Variants in ROBO1 observed in about 807,000 individuals in gnomAD.
The protein encoded by ROBO1 is roundabout homolog 1.
ROBO1 carries 149 observed loss-of-function variants against 195.9 expected under a neutral mutation model. That is an observed-to-expected ratio of 0.76 (90% confidence interval 0.67 to 0.87). The LOEUF is 0.87. Among genes scored for constraint, ROBO1 ranks in the 40% least tolerant of loss-of-function variants. ROBO1 has a pLI of 0.00. For synonymous variants in ROBO1, 816 were observed against 733.2 expected (o/e 1.11, Z -1.82); for missense variants, 1,933 against 2,068.3 (o/e 0.93, Z 1.27).
intron 3 of ROBO1, among the ~76,000 whole-genome samples, chr3:79,032,905 C>T (rs771828382): frequency 2.0e-5 from 3 of 151,912 alleles, no homozygotes; most frequent in Non-Finnish European, 2.9e-5. Context: ...CTCTATTGCC[C>T]TCTGCTGGCT....
chr3:79,164,546 T>A (rs1457677815), intron 2 of ROBO1, among the ~76,000 whole-genome samples: 3 of 152,216 alleles, frequency 2.0e-5, no homozygotes, highest in African/African-American at 7.2e-5. Context: ...GCCTGCTTTA[T>A]TGCAATAGCT....
chr3:79,628,616 A>C (rs1945252895), intron 1 of ROBO1, among the ~76,000 whole-genome samples: 1 of 152,180 alleles, frequency 6.6e-6, no homozygotes, highest in Admixed American at 6.5e-5. Context: ...GAAATAAGAA[A>C]AATAGAATAA....
At chr3:79,368,373 A>G (rs1017502372) in intron 2 of ROBO1, among the ~76,000 whole-genome samples, 1 of 152,162 alleles carries the variant, frequency 6.6e-6, no homozygotes, top group African/African-American at 2.4e-5. Context: ...AATAACTGCA[A>G]ACTACTATGC....
At chr3:79,684,130 AT>A (rs2107003019) in intron 1 of ROBO1, among the ~76,000 whole-genome samples, 1 of 152,246 alleles carries the variant, frequency 6.6e-6, no homozygotes, top group African/African-American at 2.4e-5. Flanking sequence ...CATTTTTAAA[AT>A]TATAGCCAAA....
At chr3:79,122,823 C>G (rs1479480516) in intron 3 of ROBO1, among the ~76,000 whole-genome samples, 1 of 151,662 alleles carries the variant, frequency 6.6e-6, no homozygotes, top group Non-Finnish European at 1.5e-5. Flanking sequence ...TCATGTTCCC[C>G]CCAAAAATGT....
intron 4 of ROBO1, among the ~76,000 whole-genome samples, chr3:78,834,474 C>A (rs112045676): frequency 9.2e-4 from 137 of 149,640 alleles, no homozygotes; most frequent in African/African-American, 2.9e-3. Context: ...GAAAAGACAG[C>A]AATAAAGTGA....
At chr3:79,551,755 T>G (rs1378275802) in intron 2 of ROBO1, among the ~76,000 whole-genome samples, 2 of 151,914 alleles carry the variant, frequency 1.3e-5, no homozygotes, top group Non-Finnish European at 2.9e-5. Flanking sequence ...TGTGACAAAG[T>G]AAATGTAGAA....
intron 21 of ROBO1, among the ~76,000 whole-genome samples, chr3:78,641,637 T>A (rs1275558217): frequency 6.6e-6 from 1 of 152,230 alleles, no homozygotes; most frequent in Non-Finnish European, 1.5e-5. Context: ...ATGAATGTTA[T>A]CACTGTAGAA....
chr3:79,548,404 A>C (rs1227399499), intron 2 of ROBO1, among the ~76,000 whole-genome samples: 1 of 152,226 alleles, frequency 6.6e-6, no homozygotes, highest in Non-Finnish European at 1.5e-5. Context: ...ATGCATAAAT[A>C]ATTGTTTGTG....
At chr3:78,973,324 C>T (rs2076810291) in intron 3 of ROBO1, among the ~76,000 whole-genome samples, 1 of 150,998 alleles carries the variant, frequency 6.6e-6, no homozygotes, top group Non-Finnish European at 1.5e-5. Flanking sequence ...CCTTGTTAGA[C>T]CAATATCATC....
chr3:78,661,385 A>G, intron 15 of ROBO1, 124 bp from the exon 16 acceptor site: 1 of 514,286 alleles, frequency 1.9e-6, no homozygotes, highest in East Asian at 3.1e-5. Flanking sequence ...ATTCTTACAC[A>G]AGAAATGTGT....
At chr3:78,646,035 A>G (rs73108203) in intron 21 of ROBO1, 113 bp downstream of exon 21, 149,009 of 929,074 alleles carry the variant, frequency 0.16, 12,853 homozygotes, top group South Asian at 0.22. Context: ...AAGGAACTAA[A>G]TAAATTCCAC....
At chr3:79,675,519 C>T (rs569502809) in intron 1 of ROBO1, among the ~76,000 whole-genome samples, 1 of 151,912 alleles carries the variant, frequency 6.6e-6, no homozygotes, top group East Asian at 1.9e-4. Context: ...TGGACAACTT[C>T]CAAGGGAGAA....
intron 3 of ROBO1, among the ~76,000 whole-genome samples, chr3:78,988,070 T>C (rs993456050): frequency 1.3e-5 from 2 of 152,160 alleles, no homozygotes; most frequent in African/African-American, 4.8e-5. Context: ...GACATGGCAA[T>C]GTCTTCTTTA....
intron 1 of ROBO1, among the ~76,000 whole-genome samples, chr3:79,752,419 A>T (rs543483734): frequency 1.1e-4 from 16 of 152,292 alleles, no homozygotes; most frequent in Admixed American, 9.8e-4. Flanking sequence ...CTATTAGAGA[A>T]GACAGGCATT....
intron 3 of ROBO1, among the ~76,000 whole-genome samples, chr3:78,950,702 C>A (rs182260524): frequency 1.7e-4 from 25 of 146,052 alleles, no homozygotes; most frequent in Non-Finnish European, 2.3e-4. Context: ...AAAAAAAAAA[C>A]AAAACATCAA....
At chr3:79,656,345 G>A (rs1006444032) in intron 1 of ROBO1, among the ~76,000 whole-genome samples, 1 of 151,796 alleles carries the variant, frequency 6.6e-6, no homozygotes, top group Non-Finnish European at 1.5e-5. Flanking sequence ...CATGGAATTG[G>A]AAAGAAACTA....
At chr3:79,731,068 T>G (rs1703130146) in intron 1 of ROBO1, among the ~76,000 whole-genome samples, 2 of 152,182 alleles carry the variant, frequency 1.3e-5, no homozygotes, top group South Asian at 4.1e-4. Context: ...TACATTTTAG[T>G]CAGCAAACTT....
chr3:79,119,769 A>AT (rs111507623), intron 3 of ROBO1, among the ~76,000 whole-genome samples: 21,433 of 146,468 alleles, frequency 0.15, 2,264 homozygotes, highest in African/African-American at 0.3. Context: ...TGATTCATGG[A>AT]TTTTTTTTTT....
Sources: gnomAD v4.1 joint callset for allele counts (sites outside exome capture counted in the v4.1 genomes callset) on GRCh38, gnomAD v4.1.1 for gene constraint, MANE v1.5 for transcripts, NCBI Gene and HGNC (gene_info 2026-07-23, HGNC 2026-07-21) for gene names.